Variants in SCN8A observed in about 807,000 individuals in gnomAD.
SCN8A encodes the protein sodium voltage-gated channel alpha subunit 8.
Under a neutral mutation model 184.1 loss-of-function variants are expected in SCN8A, and 30 were observed. The observed-to-expected ratio is 0.16, with a 90% confidence interval of 0.12 to 0.22. The LOEUF (loss-of-function observed/expected upper bound fraction) is 0.22, where lower values mean the gene tolerates loss of function less well. Ranked by LOEUF, SCN8A falls within the 10% of genes least tolerant of loss-of-function variation. The pLI, the probability that SCN8A is intolerant of heterozygous loss-of-function variation, is 1.00. For missense variants in SCN8A, 1,057 were observed against 2,498.9 expected (o/e 0.42, Z 12.30); for synonymous variants, 852 against 907.0 (o/e 0.94, Z 1.09).
In SCN8A at chr12:51,692,468, TTTTAC is replaced by T. The variant is rs746946044; in HGVS notation, c.706+3380_706+3384del. ...AAGACCAAACCCACCTTCTGACCCT[TTTTAC>T]TTTACTTGACTTGGATACATACTAT... On this transcript the variant is annotated intron_variant, in intron 6 of 26. Transcript: ENST00000627620. Among the ~76,000 whole-genome samples, 15 of 152,332 alleles carry T rather than the reference TTTTAC, an allele frequency of 9.8e-5. No homozygotes were observed. In the South Asian group the frequency reaches 1.7e-3, roughly 17 times the overall value.
intron 11 of SCN8A, chr12:51,712,415 T>A (rs984073056): frequency 2.7e-6 from 2 of 753,090 alleles, no homozygotes; most frequent in African/African-American, 1.7e-5. Flanking sequence ...TCCTGACAGC[T>A]CCTCGCGCTC....
intron 24 of SCN8A, among the ~76,000 whole-genome samples, chr12:51,789,868 G>C (rs1204122728): frequency 6.6e-6 from 1 of 152,190 alleles, no homozygotes; most frequent in African/African-American, 2.4e-5. Context: ...TGGTTAACAA[G>C]TTTTACAAAG....
chr12:51,797,350 A>G (rs1192668202), intron 26 of SCN8A, among the ~76,000 whole-genome samples: 1 of 152,246 alleles, frequency 6.6e-6, no homozygotes, highest in Non-Finnish European at 1.5e-5. Flanking sequence ...GAAAAGAACT[A>G]AAATGAAGAT....
At chr12:51,698,021 T>G (rs1010968754) in intron 6 of SCN8A, among the ~76,000 whole-genome samples, 1 of 152,070 alleles carries the variant, frequency 6.6e-6, no homozygotes, top group African/African-American at 2.4e-5. Context: ...ACCTGGCTAA[T>G]TTTTGTATTT....
chr12:51,645,025 G>A lies in SCN8A; in HGVS notation c.-54-17739G>A, dbSNP rs553109233. ...CGGCAGCCACCTCGTCTGGGAGGGAGGTGGGGGGGTCAGCCCCCCACCCGG... is the reference window on the plus strand; with the variant it reads ...CGGCAGCCACCTCGTCTGGGAGGGAAGTGGGGGGGTCAGCCCCCCACCCGG... On this transcript the variant is annotated intron_variant, in intron 1 of 26. Transcript: ENST00000627620. 4.6e-5 allele frequency among the ~76,000 whole-genome samples: 7 copies of A among 151,772 alleles called. No homozygotes were observed. The East Asian group carries it at 1.4e-3, about 30-fold the overall frequency.
intron 1 of SCN8A, among the ~76,000 whole-genome samples, chr12:51,647,989 T>C (rs1940627920): frequency 6.6e-6 from 1 of 152,190 alleles, no homozygotes; most frequent in African/African-American, 2.4e-5. Context: ...TGCTTCTTGC[T>C]ATTAAATCTT....
intron 1 of SCN8A, among the ~76,000 whole-genome samples, chr12:51,628,603 T>C (rs954277652): frequency 9.2e-5 from 14 of 152,126 alleles, no homozygotes; most frequent in African/African-American, 3.1e-4. Context: ...GGGGTGGTGG[T>C]GACTGCATGC....
chr12:51,740,334 T>C (rs1051478919), intron 12 of SCN8A, among the ~76,000 whole-genome samples: 3 of 152,234 alleles, frequency 2.0e-5, no homozygotes, highest in African/African-American at 7.2e-5. Flanking sequence ...ATAGGTTTTG[T>C]TATGTTGTGT....
At position 51,769,184 on chromosome 12, in the gene SCN8A, T is replaced by TGGAGAAGTACATCATTGATGA. The variant is rs1405369309; in HGVS notation, c.3225_3245dup (p.Glu1075_Glu1081dup). 6.2e-7 allele frequency: 1 copy of TGGAGAAGTACATCATTGATGA among 1,613,830 alleles called. No individual in the cohort carries two copies. Among genetic ancestry groups the TGGAGAAGTACATCATTGATGA allele is most frequent in the South Asian group, 1.1e-5 (1 of 91,044 alleles). On this transcript the variant is annotated inframe_insertion, in exon 17 of 27. Transcript: ENST00000627620. ...ACAACCAGCGGCATTGGCAGCAGCGTGGAGAAGTACATCATTGATGAGGAC... is the reference window on the plus strand; with the variant it reads ...ACAACCAGCGGCATTGGCAGCAGCGTGGAGAAGTACATCATTGATGAGGAGAAGTACATCATTGATGAGGAC...
intron 11 of SCN8A, among the ~76,000 whole-genome samples, chr12:51,715,222 C>T (rs1012640985): frequency 6.6e-6 from 1 of 152,108 alleles, no homozygotes; most frequent in South Asian, 2.1e-4. Flanking sequence ...AGTTTTTCCT[C>T]ATATTATGTA....
At chr12:51,788,040 G>GA (rs1189007314) in intron 22 of SCN8A, among the ~76,000 whole-genome samples, 1 of 152,048 alleles carries the variant, frequency 6.6e-6, no homozygotes, top group African/African-American at 2.4e-5. Flanking sequence ...CCTGTGCCCT[G>GA]AAAAAACCTT....
chr12:51,657,499 T>G (rs184487243), intron 1 of SCN8A, among the ~76,000 whole-genome samples: 192 of 152,290 alleles, frequency 1.3e-3, no homozygotes, highest in African/African-American at 4.4e-3. Context: ...TGCTGTTGTT[T>G]GAGTTCCTTA....
intron 14 of SCN8A, among the ~76,000 whole-genome samples, chr12:51,761,715 C>T (rs1028629736): frequency 6.6e-6 from 1 of 151,894 alleles, no homozygotes; most frequent in African/African-American, 2.4e-5. Context: ...TCTCAAACTC[C>T]TGGACTCAAG....
intron 2 of SCN8A, among the ~76,000 whole-genome samples, chr12:51,672,581 C>T (rs967858297): frequency 6.6e-6 from 1 of 152,088 alleles, no homozygotes; most frequent in Non-Finnish European, 1.5e-5. Flanking sequence ...AGCCTCAGTT[C>T]GAGGACTCCT....
chr12:51,780,771 G>GGTAA lies in SCN8A; in HGVS notation c.3942+2_3942+5dup, dbSNP rs764867016. ...CCTTATCACGATTTGAAGGGATGAG[G>GGTAA]GTAAGATACTAAGAGCAGCTGATCC... On this transcript the variant is annotated frameshift_variant and splice_region_variant. Coordinates refer to ENST00000627620, the MANE Select transcript of SCN8A (RefSeq NM_001330260.2). LOFTEE classifies it high-confidence loss of function. 1 of 1,584,582 alleles carries GGTAA rather than the reference G, an allele frequency of 6.3e-7. No individual in the cohort carries two copies. Among genetic ancestry groups the GGTAA allele is most frequent in the Non-Finnish European group, 8.5e-7 (1 of 1,170,714 alleles).
chr12:51,737,654 G>C (rs1476103333), intron 12 of SCN8A, among the ~76,000 whole-genome samples: 2 of 152,192 alleles, frequency 1.3e-5, no homozygotes, highest in Non-Finnish European at 2.9e-5. Flanking sequence ...GGGAGTAGTA[G>C]TCTGAATTTT....
intron 1 of SCN8A, among the ~76,000 whole-genome samples, chr12:51,601,482 A>G (rs538627453): frequency 6.6e-6 from 1 of 151,080 alleles, no homozygotes; most frequent in East Asian, 1.9e-4. Context: ...AACTTCACCC[A>G]TAAGTGCCCA....
chr12:51,712,790 C>A, intron 11 of SCN8A: 6 of 1,179,848 alleles, frequency 5.1e-6, no homozygotes, highest in Non-Finnish European at 7.6e-6. Context: ...TTGCCACCGT[C>A]ACTTCCAAAT....
chr12:51,658,599 A>C (rs1287365782), intron 1 of SCN8A, among the ~76,000 whole-genome samples: 2 of 152,118 alleles, frequency 1.3e-5, no homozygotes. Context: ...TTTATATGAA[A>C]CATCTAGAAT....
Sources: gnomAD v4.1 joint callset for allele counts (sites outside exome capture counted in the v4.1 genomes callset) on GRCh38, gnomAD v4.1.1 for gene constraint, MANE v1.5 for transcripts, NCBI Gene and HGNC (gene_info 2026-07-23, HGNC 2026-07-21) for gene names.